Variants in PKIB observed in about 807,000 individuals in gnomAD.
PKIB encodes the protein PKI-beta.
In PKIB, 2 loss-of-function variants were observed where a neutral mutation model predicts 4.5. The observed-to-expected ratio is 0.44, with a 90% CI of 0.18 to 1.39. The LOEUF (loss-of-function observed/expected upper bound fraction) is 1.39. PKIB is among the 40% of genes most tolerant of loss of function. PKIB has a pLI of 0.27. For synonymous variants in PKIB, 38 were observed against 36.0 expected, an observed-to-expected ratio of 1.06 and a Z score of -0.20; for missense variants, 94 against 92.6, an observed-to-expected ratio of 1.02 and a Z score of -0.06.
At position 122,577,608 on chromosome 6, in the gene PKIB, G is replaced by T. The variant is rs1280064615; in HGVS notation, c.-247-8313G>T. 2.0e-5 allele frequency among the ~76,000 whole-genome samples: 3 copies of T among 151,986 alleles called. No individual in the cohort carries two copies. The South Asian group carries it at 6.2e-4, about 32-fold the overall frequency. On this transcript the variant is annotated intron_variant, in intron 2 of 6. Transcript: ENST00000392491. ...AATGGTTTTATCTCATTTTATATGG[G>T]GAAGAAATAACATTTATTGGGCCGG...
intron 2 of PKIB, among the ~76,000 whole-genome samples, chr6:122,674,387 G>A (rs1269430695): frequency 1.3e-5 from 2 of 152,158 alleles, no homozygotes. Flanking sequence ...TGAGAGTGTG[G>A]TGAAGGGAAT....
intron 2 of PKIB, among the ~76,000 whole-genome samples, chr6:122,532,293 ATCAC>A (rs1582680502): frequency 6.6e-6 from 1 of 152,182 alleles, no homozygotes. Flanking sequence ...TTAGTTCTCT[ATCAC>A]TCTTTTGTTT....
At chr6:122,480,129 G>A (rs1775567986) in intron 2 of PKIB, 1 of 151,252 alleles carries the variant, frequency 6.6e-6, no homozygotes, top group Admixed American at 6.6e-5. Flanking sequence ...TGCAAGCTCC[G>A]CCTCACAAGT....
intron 3 of PKIB, among the ~76,000 whole-genome samples, chr6:122,705,723 G>T (rs181302979): frequency 1.6e-4 from 25 of 151,820 alleles, no homozygotes; most frequent in African/African-American, 5.6e-4. Context: ...ATGCCACCAC[G>T]CCCAGCTAAT....
intron 2 of PKIB, among the ~76,000 whole-genome samples, chr6:122,523,546 G>A (rs1777009190): frequency 6.6e-6 from 1 of 152,100 alleles, no homozygotes; most frequent in Non-Finnish European, 1.5e-5. Context: ...TTCTTGGGAG[G>A]CTGAGGCAGG....
chr6:122,591,289 A>G (rs888415619), intron 3 of PKIB, among the ~76,000 whole-genome samples: 16 of 151,994 alleles, frequency 1.1e-4, no homozygotes, highest in African/African-American at 3.6e-4. Context: ...CCTATGAATA[A>G]CTGAAGGGCT....
At chr6:122,722,599 T>G (rs868727896) in intron 4 of PKIB, among the ~76,000 whole-genome samples, 7 of 152,206 alleles carry the variant, frequency 4.6e-5, no homozygotes, top group Non-Finnish European at 7.3e-5. Context: ...TGCAAATAAT[T>G]TAGTGTTTTG....
At chr6:122,512,237 G>C (rs1485818259) in intron 2 of PKIB, among the ~76,000 whole-genome samples, 1 of 152,160 alleles carries the variant, frequency 6.6e-6, no homozygotes, top group East Asian at 1.9e-4. Context: ...AAAATAACTA[G>C]GTTAGTTTCT....
intron 3 of PKIB, 120 bp from the exon 4 acceptor site, chr6:122,717,667 G>A: frequency 1.1e-6 from 1 of 933,430 alleles, no homozygotes; most frequent in Non-Finnish European, 1.7e-6. Flanking sequence ...TGAAGGTTGT[G>A]ATCAATGATT....
At chr6:122,512,745 A>G (rs1429197711) in intron 2 of PKIB, among the ~76,000 whole-genome samples, 1 of 152,186 alleles carries the variant, frequency 6.6e-6, no homozygotes, top group Non-Finnish European at 1.5e-5. Context: ...ATTCCTTGAC[A>G]TTTAAAATTA....
At chr6:122,579,995 T>G (rs1469331331) in intron 2 of PKIB, among the ~76,000 whole-genome samples, 5 of 152,158 alleles carry the variant, frequency 3.3e-5, no homozygotes, top group Non-Finnish European at 7.3e-5. Flanking sequence ...TTAAGGTGCT[T>G]TCTATTCAGT....
At chr6:122,530,066 A>G (rs1273972235) in intron 2 of PKIB, among the ~76,000 whole-genome samples, 1 of 151,830 alleles carries the variant, frequency 6.6e-6, no homozygotes, top group Non-Finnish European at 1.5e-5. Flanking sequence ...TCTCATATGT[A>G]TATATTGGTC....
chr6:122,599,073 A>G (rs1685474132), intron 3 of PKIB, among the ~76,000 whole-genome samples: 1 of 152,146 alleles, frequency 6.6e-6, no homozygotes. Flanking sequence ...GTCTCGTTAT[A>G]TGTCTGGAAG....
At chr6:122,626,973 G>A (rs1212148870) in intron 1 of PKIB, among the ~76,000 whole-genome samples, 2 of 151,070 alleles carry the variant, frequency 1.3e-5, no homozygotes, top group African/African-American at 4.9e-5. Flanking sequence ...GGTGGCTCAC[G>A]CCTGTAATCC....
intron 3 of PKIB, among the ~76,000 whole-genome samples, chr6:122,604,445 A>G (rs533630877): frequency 6.6e-6 from 1 of 152,356 alleles, no homozygotes; most frequent in Admixed American, 6.5e-5. Flanking sequence ...GCTTAAGAAC[A>G]GAAGGTAATG....
intron 3 of PKIB, among the ~76,000 whole-genome samples, chr6:122,693,926 A>C (rs1263390849): frequency 6.6e-6 from 1 of 152,230 alleles, no homozygotes; most frequent in Non-Finnish European, 1.5e-5. Context: ...ATATCCTGAC[A>C]GGGCAGGTAT....
At chr6:122,557,600 G>T (rs922194674) in intron 2 of PKIB, among the ~76,000 whole-genome samples, 20 of 152,308 alleles carry the variant, frequency 1.3e-4, no homozygotes, top group Admixed American at 1.3e-4. Context: ...ACAAAACCAA[G>T]GAGCTCTTCT....
chr6:122,514,271 G>T (rs987374777), intron 2 of PKIB, among the ~76,000 whole-genome samples: 1 of 152,040 alleles, frequency 6.6e-6, no homozygotes, highest in African/African-American at 2.4e-5. Context: ...TTTTGGTTTG[G>T]GGTCACATTC....
At chr6:122,707,957 A>AG (rs1280886327) in intron 3 of PKIB, among the ~76,000 whole-genome samples, 1 of 73,770 alleles carries the variant, frequency 1.4e-5, no homozygotes, top group Non-Finnish European at 2.6e-5. Context: ...ATATGCAAAA[A>AG]GAAAAAAAAT....
Sources: allele counts gnomAD v4.1 joint callset (sites outside exome capture counted in the v4.1 genomes callset), GRCh38; gene constraint gnomAD v4.1.1; transcripts MANE v1.5; gene names NCBI Gene and HGNC (gene_info 2026-07-23, HGNC 2026-07-21).